Variants in LEPR observed in about 807,000 individuals in gnomAD.
LEPR encodes the protein leptin receptor.
LEPR carries 56 observed loss-of-function variants against 114.7 expected under a neutral mutation model. The observed-to-expected ratio is 0.49, with a 90% confidence interval of 0.39 to 0.61. The LOEUF (loss-of-function observed/expected upper bound fraction) is 0.61. Ranked by LOEUF, LEPR falls within the 20% of genes least tolerant of loss-of-function variation. The probability of loss-of-function intolerance (pLI) is 0.00; values close to 1 mark genes in which losing one functional copy is unlikely to be tolerated. For synonymous variants in LEPR, 443 were observed against 461.4 expected, an observed-to-expected ratio of 0.96 and a Z score of 0.51; for missense variants, 1,202 against 1,352.9, an observed-to-expected ratio of 0.89 and a Z score of 1.75.
chr1:65,550,791 C>G (rs555200651), intron 2 of LEPR, among the ~76,000 whole-genome samples: 1 of 152,272 alleles, frequency 6.6e-6, no homozygotes, highest in South Asian at 2.1e-4. Flanking sequence ...ATGCCTTGCC[C>G]TGCTTTGGCT....
At chr1:65,421,819 CATG>C (rs2101666216) in intron 1 of LEPR, among the ~76,000 whole-genome samples, 1 of 152,212 alleles carries the variant, frequency 6.6e-6, no homozygotes, top group East Asian at 1.9e-4. Context: ...ACTACCAAAT[CATG>C]ATCACGTTTA....
chr1:65,420,821 G>A, intron 1 of LEPR, 81 bp downstream of exon 1: 2 of 1,510,888 alleles, frequency 1.3e-6, no homozygotes, highest in South Asian at 1.2e-5. Context: ...TGCGCCTTCC[G>A]CGCGCCGTTG....
At chr1:65,501,943 G>C (rs1430955773) in intron 2 of LEPR, among the ~76,000 whole-genome samples, 1 of 152,080 alleles carries the variant, frequency 6.6e-6, no homozygotes, top group Non-Finnish European at 1.5e-5. Context: ...GAAGAAGAGA[G>C]TAAGAGTATT....
intron 2 of LEPR, among the ~76,000 whole-genome samples, chr1:65,541,662 G>T (rs961692761): frequency 5.9e-5 from 9 of 152,036 alleles, no homozygotes; most frequent in Non-Finnish European, 7.4e-5. Context: ...TATTTATTTT[G>T]TTAAATTTTT....
intron 2 of LEPR, among the ~76,000 whole-genome samples, chr1:65,446,452 G>T (rs116687714): frequency 0.02 from 2,987 of 152,266 alleles, 114 homozygotes; most frequent in African/African-American, 0.068. Flanking sequence ...CACTTTCATT[G>T]CCATGTGGGT....
At chr1:65,582,052 A>G (rs924074858) in intron 5 of LEPR, among the ~76,000 whole-genome samples, 2 of 152,178 alleles carry the variant, frequency 1.3e-5, no homozygotes, top group Non-Finnish European at 2.9e-5. Flanking sequence ...AAATCCTTCT[A>G]GCCTCTGTCT....
intron 2 of LEPR, among the ~76,000 whole-genome samples, chr1:65,536,583 C>T (rs1570634111): frequency 6.6e-6 from 1 of 152,122 alleles, no homozygotes; most frequent in Non-Finnish European, 1.5e-5. Flanking sequence ...TCAGATAGCT[C>T]ACTAAGAATT....
rs557023320 is a variant in LEPR, at chr1:65,503,419, A to G, written c.-20-62127A>G. Among the ~76,000 whole-genome samples the G allele has an allele frequency of 2.6e-5, 4 of 152,344 alleles. No individual in the cohort carries two copies. The East Asian group carries it at 5.8e-4, about 22-fold the overall frequency. On this transcript the variant is annotated intron_variant, in intron 2 of 19. Coordinates refer to ENST00000349533, the MANE Select transcript of LEPR (RefSeq NM_002303.6). ...AAAACCTCACTGAAGGGACTGGCAG[A>G]AAAAGTTGCTAGCCTGAATAACTTT... is the stretch of plus-strand genomic sequence containing the variant.
intron 2 of LEPR, among the ~76,000 whole-genome samples, chr1:65,467,713 CTTTG>C (rs1298199524): frequency 6.6e-6 from 1 of 152,194 alleles, no homozygotes; most frequent in African/African-American, 2.4e-5. Context: ...TTCTTGGCCT[CTTTG>C]TTTACACTGT....
intron 2 of LEPR, among the ~76,000 whole-genome samples, chr1:65,538,146 A>AT (rs1354400239): frequency 6.6e-6 from 1 of 150,636 alleles, no homozygotes; most frequent in Admixed American, 6.6e-5. Context: ...TACTTTCTTT[A>AT]TTTTTTTGAA....
chr1:65,623,854 A>G (rs1396901216), intron 19 of LEPR, among the ~76,000 whole-genome samples: 2 of 152,122 alleles, frequency 1.3e-5, no homozygotes, highest in East Asian at 1.9e-4. Flanking sequence ...GACTTTTTCT[A>G]TCCCTGGGCC....
chr1:65,625,659 G>T (rs1173502143), intron 19 of LEPR, among the ~76,000 whole-genome samples: 2 of 152,112 alleles, frequency 1.3e-5, no homozygotes, highest in Admixed American at 6.5e-5. Flanking sequence ...ATCCGTGGGG[G>T]TGAGTGGATA....
At chr1:65,582,413 A>G (rs1206804319) in intron 5 of LEPR, among the ~76,000 whole-genome samples, 1 of 152,080 alleles carries the variant, frequency 6.6e-6, no homozygotes, top group East Asian at 1.9e-4. Context: ...GGGATGTTGG[A>G]CTGAGGGCCT....
intron 11 of LEPR, among the ~76,000 whole-genome samples, chr1:65,605,896 A>G (rs573996079): frequency 1.3e-5 from 2 of 152,300 alleles, no homozygotes; most frequent in East Asian, 3.9e-4. Flanking sequence ...ATAACTAAGG[A>G]AGCTTTTGTA....
intron 2 of LEPR, among the ~76,000 whole-genome samples, chr1:65,538,567 C>G (rs1461263668): frequency 1.3e-5 from 2 of 152,030 alleles, no homozygotes; most frequent in Admixed American, 6.6e-5. Flanking sequence ...ATATTTGTTT[C>G]TCTCGGATAC....
intron 2 of LEPR, among the ~76,000 whole-genome samples, chr1:65,478,454 T>A (rs1647182005): frequency 6.6e-6 from 1 of 152,198 alleles, no homozygotes; most frequent in Non-Finnish European, 1.5e-5. Flanking sequence ...CCAAATTGTT[T>A]TGTGTGGACC....
chr1:65,525,591 G>A, intron 2 of LEPR: 1 of 980,176 alleles, frequency 1.0e-6, no homozygotes, highest in South Asian at 4.7e-5. Flanking sequence ...GCGGCCACCC[G>A]ACTCTTCCCT....
intron 1 of LEPR, 78 bp from the exon 2 acceptor site, chr1:65,425,225 C>A: frequency 8.1e-7 from 1 of 1,227,050 alleles, no homozygotes; most frequent in Non-Finnish European, 1.2e-6. Flanking sequence ...TTAGAAGTCA[C>A]TCCCCATTTC....
At chr1:65,590,342 G>GT (rs1342818467) in intron 5 of LEPR, among the ~76,000 whole-genome samples, 1 of 150,670 alleles carries the variant, frequency 6.6e-6, no homozygotes, top group Non-Finnish European at 1.5e-5. Flanking sequence ...GACTTCTGTG[G>GT]TTTTTCCTGG....
Sources: gnomAD v4.1 joint callset for allele counts (sites outside exome capture counted in the v4.1 genomes callset) on GRCh38, gnomAD v4.1.1 for gene constraint, MANE v1.5 for transcripts, NCBI Gene and HGNC (gene_info 2026-07-23, HGNC 2026-07-21) for gene names.